DKK3: variants seen among roughly 807,000 people sequenced by gnomAD.
DKK3 encodes the protein dickkopf Wnt signaling pathway inhibitor 3.
In DKK3, 22 loss-of-function variants were observed where a neutral mutation model predicts 33.2. That is an observed-to-expected ratio of 0.66 (90% CI 0.47 to 0.95). The LOEUF is 0.95. Ranked by LOEUF, DKK3 falls within the 40% of genes least tolerant of loss-of-function variation. DKK3 has a pLI of 0.00. For synonymous variants in DKK3, 194 were observed against 188.8 expected (o/e 1.03, Z -0.23); for missense variants, 398 against 458.4 (o/e 0.87, Z 1.20).
At chr11:12,008,957 C>G (rs1848603007), upstream of DKK3, 3 of 1,015,600 alleles carry the variant, frequency 3.0e-6, no homozygotes, top group South Asian at 9.3e-5. This position sits in a 1 kb window ranked among gnomAD's most constrained non-coding sequence, Gnocchi z 4.6. Flanking sequence ...AGACTCTGTC[C>G]CCGGTTCAAA....
intron 3 of DKK3, among the ~76,000 whole-genome samples, chr11:11,988,702 T>C (rs1848123361): frequency 6.6e-6 from 1 of 152,132 alleles, no homozygotes; most frequent in Non-Finnish European, 1.5e-5. Context: ...AGGGTGGGGC[T>C]CATAAAGGAG....
chr11:11,988,985 G>C (rs1848131419), intron 3 of DKK3, among the ~76,000 whole-genome samples: 1 of 152,180 alleles, frequency 6.6e-6, no homozygotes, highest in Non-Finnish European at 1.5e-5. Flanking sequence ...GACAGCAGGG[G>C]CCAGGAATTT....
chr11:11,987,074 A>C (rs1848085831), intron 3 of DKK3, among the ~76,000 whole-genome samples: 1 of 152,196 alleles, frequency 6.6e-6, no homozygotes, highest in African/African-American at 2.4e-5. Flanking sequence ...TCAACTACTC[A>C]ACCCCTATCC....
chr11:11,977,269 C>G (rs1847853434), intron 3 of DKK3, among the ~76,000 whole-genome samples: 1 of 151,970 alleles, frequency 6.6e-6, no homozygotes, highest in African/African-American at 2.4e-5. Flanking sequence ...AGTTCTCTCT[C>G]TCCTCCTATC....
intron 3 of DKK3, among the ~76,000 whole-genome samples, chr11:11,972,295 G>A (rs1847740534): frequency 6.6e-6 from 1 of 152,208 alleles, no homozygotes; most frequent in Non-Finnish European, 1.5e-5. Context: ...GTGCACCCCT[G>A]CCAGGGGGCC....
At position 12,008,583 on chromosome 11, in the gene DKK3, C is replaced by A; in HGVS notation, c.-1G>T. 7.1e-7 allele frequency: 1 copy of A among 1,418,000 alleles called. No homozygotes were observed. The highest frequency in any genetic ancestry group is 9.1e-7 in the Non-Finnish European group (1 of 1,096,630). The allele number at this position is 1,418,000 out of a possible 1,614,324, so 87.8% of individuals were successfully genotyped here. A position where few individuals can be genotyped will look rare whatever the true frequency, so the allele number is the denominator to read the frequency against. On this transcript the variant is annotated 5_prime_UTR_variant, in exon 1 of 7. Coordinates refer to ENST00000683431, the MANE Select transcript of DKK3 (RefSeq NM_001018057.2). The surrounding 1 kb of genome is among the most constrained non-coding windows in gnomAD (Gnocchi z 4.6). ...GCAGGGTGGCCCCAAGCCGCTGCAT[C>A]TCCGCTCTGCGCCCGCAGCCGCCGC...
At chr11:11,991,123 C>G (rs1400968543) in intron 3 of DKK3, among the ~76,000 whole-genome samples, 1 of 152,236 alleles carries the variant, frequency 6.6e-6, no homozygotes, top group African/African-American at 2.4e-5. Context: ...TACATCACAC[C>G]TAAGGGATCT....
chr11:11,977,585 T>TC, intron 3 of DKK3, among the ~76,000 whole-genome samples: 1 of 152,010 alleles, frequency 6.6e-6, no homozygotes, highest in Non-Finnish European at 1.5e-5. Context: ...CTCTACCCAC[T>TC]CCCCCCAACA....
intron 6 of DKK3, 40 bp downstream of exon 6, chr11:11,965,769 A>G (rs1400474769): frequency 6.2e-7 from 1 of 1,602,998 alleles, no homozygotes; most frequent in Non-Finnish European, 8.5e-7. Flanking sequence ...GCACCTCCTC[A>G]GCCCTTGGCT....
At chr11:11,987,294 C>A (rs1312179441) in intron 3 of DKK3, among the ~76,000 whole-genome samples, 2 of 152,158 alleles carry the variant, frequency 1.3e-5, no homozygotes, top group African/African-American at 2.4e-5. Context: ...ATGATAAAAA[C>A]AAGGGCACCA....
At chr11:11,994,419 C>A (rs949148825) in intron 3 of DKK3, among the ~76,000 whole-genome samples, 1 of 152,142 alleles carries the variant, frequency 6.6e-6, no homozygotes, top group Non-Finnish European at 1.5e-5. Context: ...CTTCAAACTT[C>A]TTCATTCTGC....
rs1412160110 is a variant in DKK3 at position 11,963,948 on chromosome 11, T to A, written c.*516A>T. 6.3e-6 allele frequency: 1 copy of A among 159,378 alleles called. No homozygotes were observed. The highest frequency in any genetic ancestry group is 1.8e-4 in the East Asian group (1 of 5,432). 9.9% of individuals were successfully genotyped at this position (159,378 alleles called of 1,614,324 possible). A position where few individuals can be genotyped will look rare whatever the true frequency, so the allele number is the denominator to read the frequency against. On this transcript the variant is annotated 3_prime_UTR_variant, in exon 7 of 7. Transcript: ENST00000683431. ...CAACACTGCTGGATGAATAAACACATGTAATGCAGGGTGAACAGAACATTT... is the reference window on the plus strand; with the variant it reads ...CAACACTGCTGGATGAATAAACACAAGTAATGCAGGGTGAACAGAACATTT...
At chr11:11,976,585 G>A (rs1847837912) in intron 3 of DKK3, among the ~76,000 whole-genome samples, 1 of 152,220 alleles carries the variant, frequency 6.6e-6, no homozygotes, top group Admixed American at 6.5e-5. Context: ...TCTGGGAGTG[G>A]TTGGGCTGGG....
At chr11:11,984,776 TG>T (rs1848031360) in intron 3 of DKK3, among the ~76,000 whole-genome samples, 1 of 151,374 alleles carries the variant, frequency 6.6e-6, no homozygotes, top group African/African-American at 2.4e-5. Flanking sequence ...GGCTGCTGGG[TG>T]GGGGACGGCG....
chr11:11,992,964 T>G (rs1018655327), intron 3 of DKK3, among the ~76,000 whole-genome samples: 17 of 152,198 alleles, frequency 1.1e-4, no homozygotes, highest in African/African-American at 4.1e-4. Flanking sequence ...TCACGCACTG[T>G]TAACACCCAC....
Position 11,965,833 on chromosome 11 carries a change from C to T in DKK3, c.806G>A (p.Ser269Asn), listed in dbSNP as rs1219880771. Residue 269 changes from serine (S) to asparagine (N), a missense_variant, in exon 6 of 7, where the codon AGT becomes AAT. Transcript: ENST00000683431. Reference sequence around the variant, plus strand: ...CCTGTGGGGCTGGCAGAGGAGGCCACTGGCACAAGGGCATCGGTCCAAGGC... The same window carrying T: ...CCTGTGGGGCTGGCAGAGGAGGCCATTGGCACAAGGGCATCGGTCCAAGGC... ...DGALDRCPCA[S>N]GLLCQPHSHS... 4 of 1,614,012 alleles carry T rather than the reference C, an allele frequency of 2.5e-6. No homozygotes were observed. The highest frequency in any genetic ancestry group is 3.4e-6 in the Non-Finnish European group (4 of 1,180,046).
chr11:11,986,437 G>C (rs936913762), intron 3 of DKK3, among the ~76,000 whole-genome samples: 1 of 152,168 alleles, frequency 6.6e-6, no homozygotes, highest in African/African-American at 2.4e-5. Context: ...AGATTCCACA[G>C]TTTCCTAACC....
intron 3 of DKK3, among the ~76,000 whole-genome samples, chr11:11,974,220 G>A (rs748901778): frequency 6.6e-6 from 1 of 152,254 alleles, no homozygotes; most frequent in Non-Finnish European, 1.5e-5. Context: ...CACTGTGCAG[G>A]AGGAGAGGAC....
At chr11:12,003,237 A>C (rs908642956) in intron 1 of DKK3, among the ~76,000 whole-genome samples, 1 of 151,904 alleles carries the variant, frequency 6.6e-6, no homozygotes, top group Admixed American at 6.6e-5. Context: ...GGGGCAGGGG[A>C]TGGAGGGAAC....
Sources: allele counts gnomAD v4.1 joint callset (sites outside exome capture counted in the v4.1 genomes callset), GRCh38; gene constraint gnomAD v4.1.1; non-coding constraint Gnocchi (gnomAD v3.1); transcripts MANE v1.5; gene names NCBI Gene and HGNC (gene_info 2026-07-23, HGNC 2026-07-21).